UROS: variants seen among roughly 807,000 people sequenced by gnomAD.
UROS encodes uroporphyrinogen-III synthase.
In UROS, 18 loss-of-function variants were observed where a neutral mutation model predicts 33.0. That is an observed-to-expected ratio of 0.55 (90% confidence interval 0.38 to 0.81). UROS has a LOEUF of 0.81. Among genes scored for constraint, UROS ranks in the 30% least tolerant of loss-of-function variants. The pLI, the probability that UROS is intolerant of heterozygous loss-of-function variation, is 0.00. For missense variants in UROS, 293 were observed against 314.9 expected (o/e 0.93, Z 0.53); for synonymous variants, 114 against 121.1 (o/e 0.94, Z 0.38).
chr10:125,822,190 CT>C (rs1252581781), intron 1 of UROS, among the ~76,000 whole-genome samples: 2 of 152,196 alleles, frequency 1.3e-5, no homozygotes, highest in African/African-American at 4.8e-5. Context: ...GAAGACCTGG[CT>C]GCCCCAGGCT....
intron 6 of UROS, among the ~76,000 whole-genome samples, chr10:125,800,637 C>T (rs1051875405): frequency 6.6e-6 from 1 of 151,694 alleles, no homozygotes; most frequent in African/African-American, 2.4e-5. Context: ...TCTCAGCTCA[C>T]TACAACCTCT....
intron 7 of UROS, among the ~76,000 whole-genome samples, chr10:125,796,400 G>A (rs934775230): frequency 3.9e-5 from 6 of 152,188 alleles, no homozygotes; most frequent in Non-Finnish European, 8.8e-5. Flanking sequence ...TGGAAGAGGA[G>A]GCTGAGACGG....
intron 5 of UROS, among the ~76,000 whole-genome samples, chr10:125,807,990 G>A (rs1186799345): frequency 6.6e-6 from 1 of 152,214 alleles, no homozygotes; most frequent in Admixed American, 6.5e-5. Context: ...GACTAAAATG[G>A]AAGGAAGGGG....
intron 3 of UROS, 102 bp downstream of exon 3, chr10:125,816,075 T>C: frequency 1.7e-6 from 2 of 1,194,178 alleles, no homozygotes; most frequent in Non-Finnish European, 1.2e-6. Flanking sequence ...GTTTTAAAGT[T>C]TGGGAATAAA....
intron 9 of UROS, chr10:125,794,459 T>A: frequency 1.5e-6 from 1 of 685,950 alleles, no homozygotes; most frequent in Non-Finnish European, 1.9e-6. Flanking sequence ...AGTGAGAATG[T>A]AAACCCTTTA....
At chr10:125,819,283 A>G (rs535740281) in intron 1 of UROS, among the ~76,000 whole-genome samples, 6 of 152,266 alleles carry the variant, frequency 3.9e-5, no homozygotes, top group Non-Finnish European at 2.9e-5. Flanking sequence ...CACCCGGCCT[A>G]AAGTTTTTTA....
At chr10:125,802,719 C>T in intron 6 of UROS, 1 of 1,376,236 alleles carries the variant, frequency 7.3e-7, no homozygotes, top group Non-Finnish European at 9.4e-7. Context: ...TAGAGAAAGC[C>T]TAGCAGTATC....
chr10:125,798,661 C>T (rs896041228), intron 6 of UROS, among the ~76,000 whole-genome samples: 6 of 152,228 alleles, frequency 3.9e-5, no homozygotes, highest in African/African-American at 1.4e-4. Context: ...GCCCACTCCT[C>T]TTCTAGCCAC....
At chr10:125,800,842 T>C (rs2133860668) in intron 6 of UROS, among the ~76,000 whole-genome samples, 1 of 152,294 alleles carries the variant, frequency 6.6e-6, no homozygotes. Context: ...AGTGCTGGGA[T>C]TACAGGAGTG....
intron 1 of UROS, among the ~76,000 whole-genome samples, chr10:125,822,398 C>T (rs1305602088): frequency 1.3e-5 from 2 of 150,534 alleles, no homozygotes; most frequent in Non-Finnish European, 3.0e-5. Context: ...TCTCGGCTCA[C>T]TGCAACCTCC....
Position 125,798,093 on chromosome 10 carries a change from T to A in UROS, c.447A>T (p.Glu149Asp). The A allele has an allele frequency of 3.1e-6, 5 of 1,614,054 alleles. No homozygotes were observed. The highest frequency in any genetic ancestry group is 4.2e-6 in the Non-Finnish European group (5 of 1,179,914). ...TGTCCTTGAGCGCTTTTGGCAGGATTTCTCTTTTGAGGTTTCCACAGGGAA... is the reference window on the plus strand; with the variant it reads ...TGTCCTTGAGCGCTTTTGGCAGGATATCTCTTTTGAGGTTTCCACAGGGAA... ...LLFPCGNLKR[E>D]ILPKALKDKG... is the part of the protein sequence containing the mutation. The change falls in exon 7 of 10, where the codon GAA becomes GAT. Residue 149 changes from glutamate to aspartate, a missense_variant. By Grantham distance (45) the Glu-to-Asp change is conservative. Coordinates refer to ENST00000368797, the MANE Select transcript of UROS (RefSeq NM_000375.3).
chr10:125,786,565 C>A (rs1257706240), downstream of UROS, among the ~76,000 whole-genome samples: 1 of 152,156 alleles, frequency 6.6e-6, no homozygotes, highest in Non-Finnish European at 1.5e-5. Context: ...CGCCTGGCCA[C>A]ATGAACCTCT....
intron 9 of UROS, 162 bp from the exon 10 acceptor site, chr10:125,789,167 C>T: frequency 7.1e-7 from 1 of 1,414,060 alleles, no homozygotes. Flanking sequence ...TCTAGCCCAG[C>T]TTCTGAGCGT....
At chr10:125,821,363 A>G (rs2133980096) in intron 1 of UROS, among the ~76,000 whole-genome samples, 1 of 152,376 alleles carries the variant, frequency 6.6e-6, no homozygotes, top group East Asian at 1.9e-4. Context: ...TGAAGACATC[A>G]TGCTGAATGA....
In UROS at chr10:125,788,824, C is replaced by A; in HGVS notation, c.*44G>T. On this transcript the variant is annotated 3_prime_UTR_variant, in exon 10 of 10. Transcript: ENST00000368797. ...GATGCCTGGCTCCATCCAGAGCCAG[C>A]CCAGCCCAGGGAGGCTGCATGGGGC... 1.3e-6 allele frequency: 2 copies of A among 1,546,888 alleles called. No individual in the cohort carries two copies. Among genetic ancestry groups the A allele is most frequent in the East Asian group, 2.4e-5 (1 of 41,248 alleles).
chr10:125,804,742 T>C (rs1852167693), intron 6 of UROS, among the ~76,000 whole-genome samples: 1 of 152,244 alleles, frequency 6.6e-6, no homozygotes, highest in Admixed American at 6.5e-5. Flanking sequence ...CTGAGTGTTT[T>C]ACAGGTAGAA....
chr10:125,822,550 T>C (rs1457892323), intron 1 of UROS, among the ~76,000 whole-genome samples: 2 of 152,170 alleles, frequency 1.3e-5, no homozygotes, highest in Non-Finnish European at 2.9e-5. Flanking sequence ...CTCGAACTCC[T>C]GACCTCAAGT....
At chr10:125,799,637 T>G (rs962340263) in intron 6 of UROS, among the ~76,000 whole-genome samples, 6 of 152,154 alleles carry the variant, frequency 3.9e-5, no homozygotes, top group African/African-American at 1.2e-4. Context: ...GGTACGCGGC[T>G]CCCTGAGGGC....
intron 6 of UROS, chr10:125,807,071 G>C: frequency 3.1e-6 from 1 of 323,426 alleles, no homozygotes; most frequent in Non-Finnish European, 5.9e-6. Flanking sequence ...GGAAAGGACA[G>C]TCCTCAGTAA....
Sources: gnomAD v4.1 joint callset for allele counts (sites outside exome capture counted in the v4.1 genomes callset) on GRCh38, gnomAD v4.1.1 for gene constraint, MANE v1.5 for transcripts, NCBI Gene and HGNC (gene_info 2026-07-23, HGNC 2026-07-21) for gene names.